THSD7A: variants seen among roughly 807,000 people sequenced by gnomAD.
THSD7A encodes thrombospondin type-1 domain-containing protein 7A.
Under a neutral mutation model 231.3 loss-of-function variants are expected in THSD7A, and 96 were observed. The observed-to-expected ratio is 0.41, with a 90% CI of 0.35 to 0.49. THSD7A has a LOEUF of 0.49. Ranked by LOEUF, THSD7A falls within the 20% of genes least tolerant of loss-of-function variation. The pLI is 0.05. For missense variants in THSD7A, 2,290 were observed against 2,070.2 expected (o/e 1.11, Z -2.06); for synonymous variants, 940 against 743.3 (o/e 1.26, Z -4.30).
intron 6 of THSD7A, among the ~76,000 whole-genome samples, chr7:11,483,472 C>G (rs1030479036): frequency 3.3e-5 from 5 of 152,166 alleles, no homozygotes; most frequent in South Asian, 2.1e-4. Context: ...TTTAGCTACT[C>G]TAATCTGTGG....
chr7:11,585,111 T>A (rs1306946000), intron 4 of THSD7A, among the ~76,000 whole-genome samples: 2 of 152,314 alleles, frequency 1.3e-5, no homozygotes, highest in African/African-American at 2.4e-5. Context: ...TTTCTTTGCC[T>A]TTTTGGTTGA....
chr7:11,510,122 T>C (rs1203360324), intron 6 of THSD7A, among the ~76,000 whole-genome samples: 2 of 152,082 alleles, frequency 1.3e-5, no homozygotes, highest in South Asian at 2.1e-4. Flanking sequence ...CAATTCACAA[T>C]TGCAAAATAG....
chr7:11,736,539 G>C (rs1398797074), intron 1 of THSD7A, among the ~76,000 whole-genome samples: 1 of 150,734 alleles, frequency 6.6e-6, no homozygotes, highest in East Asian at 2.0e-4. Context: ...AACTCAATTA[G>C]GCTTTTATTT....
intron 1 of THSD7A, among the ~76,000 whole-genome samples, chr7:11,810,733 G>A (rs1250122668): frequency 6.6e-6 from 1 of 152,100 alleles, no homozygotes; most frequent in Non-Finnish European, 1.5e-5. Context: ...GGACATGTAG[G>A]CAAAATTATT....
At chr7:11,809,361 G>C (rs1016630528) in intron 1 of THSD7A, among the ~76,000 whole-genome samples, 1 of 152,160 alleles carries the variant, frequency 6.6e-6, no homozygotes, top group South Asian at 2.1e-4. Flanking sequence ...TTCTTGACAG[G>C]AGAGTAATTT....
At chr7:11,511,321 A>G (rs1418651367) in intron 6 of THSD7A, among the ~76,000 whole-genome samples, 3 of 152,194 alleles carry the variant, frequency 2.0e-5, no homozygotes, top group Admixed American at 6.5e-5. Flanking sequence ...ATGCTCATGG[A>G]TAGGAAGAAT....
intron 1 of THSD7A, among the ~76,000 whole-genome samples, chr7:11,668,743 G>C (rs1783255372): frequency 6.6e-6 from 1 of 152,134 alleles, no homozygotes; most frequent in African/African-American, 2.4e-5. Context: ...ATAAGGAACG[G>C]CGGGAGCACA....
At chr7:11,726,014 T>C (rs1306159108) in intron 1 of THSD7A, among the ~76,000 whole-genome samples, 1 of 152,038 alleles carries the variant, frequency 6.6e-6, no homozygotes, top group African/African-American at 2.4e-5. Flanking sequence ...AATTGTTCTT[T>C]CATTGTGTTA....
chr7:11,558,539 G>A (rs1583971839), intron 4 of THSD7A, among the ~76,000 whole-genome samples: 1 of 152,014 alleles, frequency 6.6e-6, no homozygotes, highest in African/African-American at 2.4e-5. Context: ...TGCATATCCA[G>A]GGATCTTTAA....
intron 1 of THSD7A, among the ~76,000 whole-genome samples, chr7:11,782,286 C>A (rs1583286878): frequency 6.6e-6 from 1 of 152,130 alleles, no homozygotes; most frequent in Non-Finnish European, 1.5e-5. Context: ...TTATAATAAT[C>A]TGACAGATTG....
intron 2 of THSD7A, among the ~76,000 whole-genome samples, chr7:11,611,833 AT>A (rs1780937746): frequency 2.2e-4 from 29 of 129,796 alleles, no homozygotes; most frequent in South Asian, 1.0e-3. Flanking sequence ...CACACACACT[AT>A]CATCTGTCTA....
chr7:11,756,882 T>A (rs1782695657), intron 1 of THSD7A, among the ~76,000 whole-genome samples: 1 of 151,994 alleles, frequency 6.6e-6, no homozygotes, highest in Admixed American at 6.6e-5. Flanking sequence ...CCTGAAGTTG[T>A]TTCTAGGGTT....
chr7:11,492,729 T>A (rs1165440808), intron 6 of THSD7A, among the ~76,000 whole-genome samples: 1 of 152,066 alleles, frequency 6.6e-6, no homozygotes, highest in Non-Finnish European at 1.5e-5. Context: ...CTGGTCTATG[T>A]GGGAAGGCTT....
chr7:11,652,908 T>C (rs979636787), intron 1 of THSD7A, among the ~76,000 whole-genome samples: 1 of 151,938 alleles, frequency 6.6e-6, no homozygotes, highest in Non-Finnish European at 1.5e-5. Context: ...TATAGGATTC[T>C]AGGAAAAATA....
chr7:11,811,916 G>T (rs1451857729), intron 1 of THSD7A, among the ~76,000 whole-genome samples: 2 of 152,146 alleles, frequency 1.3e-5, no homozygotes, highest in Non-Finnish European at 2.9e-5. Context: ...GCCTATTCAT[G>T]AAATTACATC....
chr7:11,715,825 G>A (rs893452367), intron 1 of THSD7A, among the ~76,000 whole-genome samples: 1 of 151,438 alleles, frequency 6.6e-6, no homozygotes, highest in Non-Finnish European at 1.5e-5. Flanking sequence ...ATGAAAAACA[G>A]TAAATGATGG....
At chr7:11,695,209 A>G (rs1780350774) in intron 1 of THSD7A, among the ~76,000 whole-genome samples, 1 of 151,534 alleles carries the variant, frequency 6.6e-6, no homozygotes. Context: ...TGACCATAAT[A>G]CACTTTAACT....
At chr7:11,825,799 G>A (rs957481765) in intron 1 of THSD7A, among the ~76,000 whole-genome samples, 4 of 152,096 alleles carry the variant, frequency 2.6e-5, no homozygotes, top group African/African-American at 7.2e-5. Flanking sequence ...ATTGATTAAC[G>A]CTGACGCTCA....
At position 11,474,700 on chromosome 7, in the gene THSD7A, A is replaced by G. The variant is rs528488495; in HGVS notation, c.2018-132T>C. 179 of 681,210 alleles carry G rather than the reference A, an allele frequency of 2.6e-4. No individual in the cohort carries two copies. The African/African-American group carries it at 2.9e-3, about 11-fold the overall frequency. The allele number at this position is 681,210 out of a possible 1,614,324, so 42.2% of individuals were successfully genotyped here. A position where few individuals can be genotyped will look rare whatever the true frequency, so the allele number is the denominator to read the frequency against. On this transcript the variant is annotated intron_variant, in intron 7 of 27. Coordinates refer to ENST00000423059, the MANE Select transcript of THSD7A (RefSeq NM_015204.3). The surrounding 1 kb of genome is among the most constrained non-coding windows in gnomAD (Gnocchi z 4.1). ...TTCCCCACATCAAGTTCATAAATAC[A>G]CGCAATATTTATGTGAGATGCTTCA...
Sources: gnomAD v4.1 joint callset for allele counts (sites outside exome capture counted in the v4.1 genomes callset) on GRCh38, gnomAD v4.1.1 for gene constraint, Gnocchi (gnomAD v3.1) non-coding constraint, MANE v1.5 for transcripts, NCBI Gene and HGNC (gene_info 2026-07-23, HGNC 2026-07-21) for gene names.